AP4S1: variants seen among roughly 807,000 people sequenced by gnomAD.
The protein encoded by AP4S1 is AP-4 complex subunit sigma-1.
A neutral mutation model predicts 19.8 loss-of-function variants in AP4S1; 23 were observed. The observed-to-expected ratio is 1.16, with a 90% CI of 0.84 to 1.65. AP4S1 has a LOEUF of 1.65. AP4S1 is among the 40% of genes most tolerant of loss of function. The pLI, the probability that AP4S1 is intolerant of heterozygous loss-of-function variation, is 0.00. For synonymous variants in AP4S1, 46 were observed against 54.1 expected (o/e 0.85, Z 0.66); for missense variants, 166 against 172.8 (o/e 0.96, Z 0.22).
At chr14:31,090,994 G>T (rs1247123022) in intron 5 of AP4S1, among the ~76,000 whole-genome samples, 3 of 152,228 alleles carry the variant, frequency 2.0e-5, no homozygotes, top group Admixed American at 6.5e-5. Flanking sequence ...TTTCCAGGAT[G>T]TTGGGAAATT....
intron 1 of AP4S1, among the ~76,000 whole-genome samples, chr14:31,051,153 G>A (rs1885766864): frequency 6.6e-6 from 1 of 151,924 alleles, no homozygotes; most frequent in African/African-American, 2.4e-5. Context: ...CTACACAGGA[G>A]GCTGCGACAG....
Position 31,093,100 on chromosome 14 carries a change from CAT to C in AP4S1, c.*66_*67del. On this transcript the variant is annotated 3_prime_UTR_variant, in exon 6 of 6. Coordinates refer to ENST00000542754, the MANE Select transcript of AP4S1 (RefSeq NM_001128126.3). Reference sequence around the variant, plus strand: ...GCGAGTACCGTGGAATACATCTCAACATGTTAACCCAGAAGAATCTGGAAGAC... The same window carrying C: ...GCGAGTACCGTGGAATACATCTCAACGTTAACCCAGAAGAATCTGGAAGAC... The C allele has an allele frequency of 2.0e-6, 3 of 1,470,546 alleles. No individual in the cohort carries two copies. The highest frequency in any genetic ancestry group is 2.7e-6 in the Non-Finnish European group (3 of 1,103,078). The allele number at this position is 1,470,546 out of a possible 1,614,324, so 91.1% of individuals were successfully genotyped here. A position where few individuals can be genotyped will look rare whatever the true frequency, so the allele number is the denominator to read the frequency against.
At chr14:31,057,320 T>C (rs576692867) in intron 1 of AP4S1, among the ~76,000 whole-genome samples, 1 of 152,328 alleles carries the variant, frequency 6.6e-6, no homozygotes, top group South Asian at 2.1e-4. Context: ...TGCCATCCTT[T>C]TGTTTTGAAC....
chr14:31,085,055 A>G, intron 5 of AP4S1: 1 of 1,442,430 alleles, frequency 6.9e-7, no homozygotes, highest in East Asian at 2.6e-5. Flanking sequence ...CTAGACTGGA[A>G]TGCAGCAGTA....
At chr14:31,083,200 T>C (rs1388661511) in intron 5 of AP4S1, among the ~76,000 whole-genome samples, 4 of 152,186 alleles carry the variant, frequency 2.6e-5, no homozygotes, top group Non-Finnish European at 5.9e-5. Context: ...AGCATTCTTG[T>C]TTGAATTAAA....
chr14:31,062,119 A>G (rs1282619452), intron 1 of AP4S1, among the ~76,000 whole-genome samples: 1 of 151,850 alleles, frequency 6.6e-6, no homozygotes, highest in South Asian at 2.1e-4. Context: ...ATTTACTGAG[A>G]CAGAGTTTAG....
intron 1 of AP4S1, among the ~76,000 whole-genome samples, chr14:31,030,680 G>A (rs1013559151): frequency 2.6e-5 from 4 of 151,920 alleles, no homozygotes; most frequent in African/African-American, 9.7e-5. Flanking sequence ...AGTACTGATT[G>A]GCTACGATTT....
chr14:31,040,189 T>G (rs1215323742), intron 1 of AP4S1, among the ~76,000 whole-genome samples: 2 of 130,434 alleles, frequency 1.5e-5, no homozygotes, highest in Non-Finnish European at 3.2e-5. Flanking sequence ...TCTCGTTCCC[T>G]CCCCAAGGCT....
chr14:31,091,761 C>G (rs948682031), intron 5 of AP4S1, among the ~76,000 whole-genome samples: 3 of 152,140 alleles, frequency 2.0e-5, no homozygotes, highest in African/African-American at 7.2e-5. Flanking sequence ...GAACAATTCA[C>G]TTTACAAAGA....
At chr14:31,059,969 G>A (rs61976843) in intron 1 of AP4S1, among the ~76,000 whole-genome samples, 19 of 71,338 alleles carry the variant, frequency 2.7e-4, no homozygotes, top group Non-Finnish European at 4.3e-4. Flanking sequence ...GTATATATAT[G>A]TATTTATGTA....
intron 1 of AP4S1, among the ~76,000 whole-genome samples, chr14:31,035,684 C>CAATAAATAAAT (rs1884709134): frequency 6.9e-6 from 1 of 145,560 alleles, no homozygotes; most frequent in Non-Finnish European, 1.5e-5. Context: ...CCCTCATGGT[C>CAATAAATAAAT]ATGCCATTTA....
chr14:31,031,145 A>G (rs1380783939), intron 1 of AP4S1, among the ~76,000 whole-genome samples: 2 of 151,998 alleles, frequency 1.3e-5, no homozygotes, highest in Non-Finnish European at 2.9e-5. Context: ...TGTAAGATGT[A>G]CTTGCTTCCC....
chr14:31,090,402 G>C (rs8011836), intron 5 of AP4S1, among the ~76,000 whole-genome samples: 78,755 of 152,180 alleles, frequency 0.52, 22,714 homozygotes, highest in African/African-American at 0.79. Flanking sequence ...TCTTAGGTTT[G>C]TAGGTTGGGA....
chr14:31,028,473 A>G (rs576151123), intron 1 of AP4S1, among the ~76,000 whole-genome samples: 17 of 152,242 alleles, frequency 1.1e-4, no homozygotes, highest in African/African-American at 4.1e-4. Context: ...AAATTATTAA[A>G]GTACTATTTA....
intron 1 of AP4S1, among the ~76,000 whole-genome samples, chr14:31,046,844 T>TAA (rs1873608615): frequency 9.1e-6 from 1 of 110,272 alleles, no homozygotes; most frequent in African/African-American, 4.2e-5. Flanking sequence ...AGACTCCGTC[T>TAA]CAAAAAAAAA....
chr14:31,073,271 A>C (rs557454501), intron 4 of AP4S1: 1 of 341,344 alleles, frequency 2.9e-6, no homozygotes, highest in Non-Finnish European at 5.6e-6. Context: ...TGGGCAGATC[A>C]CAAGGTCAGG....
At chr14:31,082,106 A>G (rs1004622798) in intron 5 of AP4S1, among the ~76,000 whole-genome samples, 1 of 152,172 alleles carries the variant, frequency 6.6e-6, no homozygotes, top group South Asian at 2.1e-4. Context: ...CTGATAGGAA[A>G]TGTCACTGTG....
chr14:31,066,272 A>C lies in AP4S1; in HGVS notation c.76A>C (p.Asn26His). The change falls in exon 2 of 6, where the codon AAT becomes CAT. Residue 26 changes from asparagine to histidine, a missense_variant. By Grantham distance (68) the Asn-to-His change is moderately conservative. Transcript: ENST00000542754. ...TAAGTACTATGAACATGTGGATATT[A>C]ATAAGCGTACACTTCTGGAAACAGA... ...LSKYYEHVDI[N>H]KRTLLETEVI... is the part of the protein sequence containing the mutation. The C allele has an allele frequency of 1.2e-6, 2 of 1,613,990 alleles. No individual in the cohort carries two copies. The highest frequency in any genetic ancestry group is 1.7e-6 in the Non-Finnish European group (2 of 1,179,906).
intron 5 of AP4S1, among the ~76,000 whole-genome samples, chr14:31,081,298 C>T (rs1887626179): frequency 6.6e-6 from 1 of 152,142 alleles, no homozygotes; most frequent in Non-Finnish European, 1.5e-5. Flanking sequence ...CCCTACATGA[C>T]CAGAATAAGG....
Sources: allele counts gnomAD v4.1 joint callset (sites outside exome capture counted in the v4.1 genomes callset), GRCh38; gene constraint gnomAD v4.1.1; transcripts MANE v1.5; gene names NCBI Gene and HGNC (gene_info 2026-07-23, HGNC 2026-07-21).